DAAM2: variants seen among roughly 807,000 people sequenced by gnomAD.
The protein encoded by DAAM2 is dishevelled associated activator of morphogenesis 2.
A neutral mutation model predicts 120.7 loss-of-function variants in DAAM2; 39 were observed. The ratio of observed to expected loss-of-function variants is 0.32; its 90% confidence interval spans 0.25 to 0.42. The LOEUF is 0.42. DAAM2 is among the 10% of genes least tolerant of loss of function. The pLI is 1.00. For synonymous variants in DAAM2, 488 were observed against 524.9 expected, an observed-to-expected ratio of 0.93 and a Z score of 0.96; for missense variants, 1,283 against 1,401.7, an observed-to-expected ratio of 0.92 and a Z score of 1.35.
Position 39,856,263 on chromosome 6 carries a change from A to G in DAAM2, c.-40A>G. 1 of 1,436,126 alleles carries G rather than the reference A, an allele frequency of 7.0e-7. No individual in the cohort carries two copies. Among genetic ancestry groups the G allele is most frequent in the Non-Finnish European group, 9.1e-7 (1 of 1,092,914 alleles). The allele number at this position is 1,436,126 out of a possible 1,614,324, so 89.0% of individuals were successfully genotyped here. On this transcript the variant is annotated 5_prime_UTR_variant, in exon 2 of 25. It removes the in-frame stop codon of an upstream open reading frame in the 5' UTR. Coordinates refer to ENST00000274867, the MANE Select transcript of DAAM2 (RefSeq NM_001201427.2). ...CTTGTCCAGATCACAATGAGGACCT[A>G]GGGCATCTGTCTGCTGACGCCCCCT...
chr6:39,899,290 G>C lies in DAAM2; in HGVS notation c.2679+353G>C, dbSNP rs3736826. ...AAGCACGCAATGTGGCAGTGGGACC[G>C]ATGTACCCAGAAGGTTCTTCCTTAT... is the stretch of plus-strand genomic sequence containing the variant. On this transcript the variant is annotated intron_variant, in intron 22 of 24. Coordinates refer to ENST00000274867, the MANE Select transcript of DAAM2 (RefSeq NM_001201427.2). 9.4e-3 allele frequency among the ~76,000 whole-genome samples: 1,429 copies of C among 152,302 alleles called. 14 individuals are homozygous for C. The highest frequency in any genetic ancestry group is 0.047 in the East Asian group (244 of 5,174).
At position 39,896,959 on chromosome 6, in the gene DAAM2, A is replaced by AC; in HGVS notation, c.2490dup (p.Thr831HisfsTer25). On this transcript the variant is annotated frameshift_variant, in exon 20 of 25. Coordinates refer to ENST00000274867, the MANE Select transcript of DAAM2 (RefSeq NM_001201427.2). LOFTEE classifies it high-confidence loss of function. ...GTGGCCAGCCTCAACAAGATCGCTGACACCAAGTCCAGCATCGACAGGTGA... is the reference window on the plus strand; with the variant it reads ...GTGGCCAGCCTCAACAAGATCGCTGACCACCAAGTCCAGCATCGACAGGTGA... 1 of 1,611,174 alleles carries AC rather than the reference A, an allele frequency of 6.2e-7. No individual in the cohort carries two copies. Among genetic ancestry groups the AC allele is most frequent in the Non-Finnish European group, 8.5e-7 (1 of 1,178,608 alleles).
intron 1 of DAAM2, among the ~76,000 whole-genome samples, chr6:39,801,314 G>A (rs538749779): frequency 6.6e-6 from 1 of 152,298 alleles, no homozygotes; most frequent in African/African-American, 2.4e-5. Flanking sequence ...GGCAGACTGA[G>A]TGAATGTCTT....
intron 1 of DAAM2, among the ~76,000 whole-genome samples, chr6:39,840,526 G>A (rs145712508): frequency 5.3e-4 from 80 of 152,330 alleles, no homozygotes; most frequent in African/African-American, 1.9e-3. Flanking sequence ...GAGGTTAGTT[G>A]TAGGGGAAGT....
chr6:39,850,135 T>G (rs1763751647), intron 1 of DAAM2, among the ~76,000 whole-genome samples: 1 of 152,182 alleles, frequency 6.6e-6, no homozygotes, highest in Non-Finnish European at 1.5e-5. Context: ...GCATACCCTT[T>G]CCATTTGCTT....
At chr6:39,854,454 A>G (rs1162968725) in intron 1 of DAAM2, among the ~76,000 whole-genome samples, 2 of 152,202 alleles carry the variant, frequency 1.3e-5, no homozygotes, top group African/African-American at 4.8e-5. Flanking sequence ...TACAACGGCA[A>G]TCTTCCATAA....
Position 39,903,877 on chromosome 6 carries a change from C to T in DAAM2, c.*1840C>T. The T allele has an allele frequency of 3.3e-6, 1 of 299,170 alleles. No homozygotes were observed. Among genetic ancestry groups the T allele is most frequent in the Non-Finnish European group, 6.5e-6 (1 of 154,944 alleles). The allele number at this position is 299,170 out of a possible 1,614,324, so 18.5% of individuals were successfully genotyped here. A position where few individuals can be genotyped will look rare whatever the true frequency, so the allele number is the denominator to read the frequency against. On this transcript the variant is annotated 3_prime_UTR_variant, in exon 25 of 25. Coordinates refer to ENST00000274867, the MANE Select transcript of DAAM2 (RefSeq NM_001201427.2). ...CCTGGCTGACACAGGTGTGAAGAGG[C>T]CATCCTGGAACCCAGGTGAGGGCAA...
In DAAM2 at chr6:39,827,581, C is replaced by T. The variant is rs538956176; in HGVS notation, c.-56-28666C>T. On this transcript the variant is annotated intron_variant, in intron 1 of 24. Transcript: ENST00000274867. ...GTGTGTGGGCTCATGGAGGTGCCCC[C>T]GGGCCTGGTAGGATGCAGGGGCCTG... Among the ~76,000 whole-genome samples, 18 of 152,208 alleles carry T rather than the reference C, an allele frequency of 1.2e-4. No individual in the cohort carries two copies. The Middle Eastern group carries it at 0.01, about 86-fold the overall frequency.
At chr6:39,815,994 C>T (rs1762298729) in intron 1 of DAAM2, among the ~76,000 whole-genome samples, 1 of 152,214 alleles carries the variant, frequency 6.6e-6, no homozygotes, top group African/African-American at 2.4e-5. Context: ...ACCTTCTACC[C>T]TGATTCTCAT....
chr6:39,881,806 T>C (rs935790117), intron 14 of DAAM2: 2 of 152,172 alleles, frequency 1.3e-5, no homozygotes, highest in African/African-American at 2.4e-5. Context: ...AAAGTCTTCA[T>C]ATAATAAATA....
At chr6:39,869,310 C>A (rs150480939) in intron 7 of DAAM2, among the ~76,000 whole-genome samples, 1 of 152,162 alleles carries the variant, frequency 6.6e-6, no homozygotes, top group African/African-American at 2.4e-5. Flanking sequence ...ACAGGCTGGG[C>A]GTGGTGGCTC....
chr6:39,814,158 A>T (rs1359400999), intron 1 of DAAM2, among the ~76,000 whole-genome samples: 1 of 148,154 alleles, frequency 6.7e-6, no homozygotes, highest in Non-Finnish European at 1.5e-5. Flanking sequence ...GCAAGGTTTT[A>T]TTTTTTTTAA....
At position 39,902,225 on chromosome 6, in the gene DAAM2, C is replaced by T; in HGVS notation, c.*188C>T. On this transcript the variant is annotated 3_prime_UTR_variant, in exon 25 of 25. Coordinates refer to ENST00000274867, the MANE Select transcript of DAAM2 (RefSeq NM_001201427.2). ...GCTTACCTTAAGGGGCTCCTCTTAT[C>T]TCCCCTTCACATGATTCCTTCTGTG... 2.1e-6 allele frequency: 1 copy of T among 472,252 alleles called. No individual in the cohort carries two copies. The highest frequency in any genetic ancestry group is 3.7e-6 in the Non-Finnish European group (1 of 269,710). 29.3% of individuals were successfully genotyped at this position (472,252 alleles called of 1,614,324 possible).
In DAAM2 at chr6:39,903,825, G is replaced by T; in HGVS notation, c.*1788G>T. 4.2e-6 allele frequency: 1 copy of T among 236,072 alleles called. No homozygotes were observed. Among genetic ancestry groups the T allele is most frequent in the Admixed American group, 5.1e-5 (1 of 19,470 alleles). The allele number at this position is 236,072 out of a possible 1,614,324, so 14.6% of individuals were successfully genotyped here. A position where few individuals can be genotyped will look rare whatever the true frequency, so the allele number is the denominator to read the frequency against. ...GGGGCGGGCGGTGTGTGTGTGTTCT[G>T]GTGGGAGGGATCTGAGCAAGTGCAA... On this transcript the variant is annotated 3_prime_UTR_variant, in exon 25 of 25. Coordinates refer to ENST00000274867, the MANE Select transcript of DAAM2 (RefSeq NM_001201427.2).
chr6:39,802,539 T>A (rs1368747149), intron 1 of DAAM2, among the ~76,000 whole-genome samples: 1 of 152,108 alleles, frequency 6.6e-6, no homozygotes, highest in Non-Finnish European at 1.5e-5. Context: ...ATGGTGGTGG[T>A]GGTGGTGAAG....
chr6:39,805,014 A>T (rs1308313714), intron 1 of DAAM2, among the ~76,000 whole-genome samples: 2 of 152,146 alleles, frequency 1.3e-5, no homozygotes, highest in Non-Finnish European at 2.9e-5. Flanking sequence ...GTGACTGGGA[A>T]TTTTTATTAA....
Position 39,901,921 on chromosome 6 carries a change from C to T in DAAM2, c.3091C>T (p.Arg1031Cys), listed in dbSNP as rs766588455. The T allele has an allele frequency of 6.8e-6, 11 of 1,609,838 alleles. No homozygotes were observed. Among genetic ancestry groups the T allele is most frequent in the Admixed American group, 3.3e-5 (2 of 59,864 alleles). Residue 1031 changes from arginine (R) to cysteine (C), a missense_variant, in exon 25 of 25, where the codon CGC becomes TGC. Physicochemically the swap from Arg to Cys is radical, Grantham distance 180. Transcript: ENST00000274867. The surrounding 1 kb of genome is among the most constrained non-coding windows in gnomAD (Gnocchi z 4.5). ...GEFDDLVSALRSGEVFDKDLC... is the reference protein window; with the variant it reads ...GEFDDLVSALCSGEVFDKDLC... The stretch of plus-strand genomic sequence containing the variant: ...GTTCGATGACCTGGTGTCGGCCCTG[C>T]GCTCTGGGGAGGTCTTCGACAAGGA...
chr6:39,888,799 C>T (rs1486515728), intron 17 of DAAM2, 36 bp downstream of exon 17: 1 of 1,562,150 alleles, frequency 6.4e-7, no homozygotes, highest in Non-Finnish European at 8.8e-7. Flanking sequence ...GGAACTGAAC[C>T]CAGCGGGCAG....
In DAAM2 at chr6:39,901,857, G is replaced by T. The variant is rs758314642; in HGVS notation, c.3027G>T (p.Lys1009Asn). The change falls in exon 25 of 25, where the codon AAG (lysine) becomes AAT (asparagine). Residue 1009 changes from lysine (K) to asparagine (N), a missense_variant. By Grantham distance (94) the Lys-to-Asn change is moderately conservative (BLOSUM62 0). Transcript: ENST00000274867. The surrounding 1 kb of genome is among the most constrained non-coding windows in gnomAD (Gnocchi z 4.5). ...RERERWQRQR[K>N]VLAAGSSLEE... ...GTGAGCGGTGGCAGCGGCAGCGGAA[G>T]GTCCTGGCTGCAGGCAGCTCGCTGG... 1 of 1,576,176 alleles carries T rather than the reference G, an allele frequency of 6.3e-7. No homozygotes were observed. Among genetic ancestry groups the T allele is most frequent in the Admixed American group, 1.8e-5 (1 of 55,836 alleles).
Sources: gnomAD v4.1 joint callset for allele counts (sites outside exome capture counted in the v4.1 genomes callset) on GRCh38, gnomAD v4.1.1 for gene constraint, Gnocchi (gnomAD v3.1) non-coding constraint, MANE v1.5 for transcripts, NCBI Gene and HGNC (gene_info 2026-07-23, HGNC 2026-07-21) for gene names.